The following MANSC4 variants were observed in gnomAD, a reference collection of about 807,000 sequenced individuals.
MANSC4 encodes the protein MANSC domain containing 4, also known as MANSC domain-containing protein 4.
MANSC4 carries 11 observed loss-of-function variants against 11.4 expected under a neutral mutation model. That is an observed-to-expected ratio of 0.97 (90% CI 0.61 to 1.60). The LOEUF (loss-of-function observed/expected upper bound fraction) is 1.60. Ranked by LOEUF, MANSC4 falls within the 40% of genes most tolerant of loss-of-function variation. The probability of loss-of-function intolerance (pLI) is 0.00; values close to 1 mark genes in which losing one functional copy is unlikely to be tolerated. For missense variants in MANSC4, 354 were observed against 404.6 expected (o/e 0.88, Z 1.07); for synonymous variants, 123 against 147.1 (o/e 0.84, Z 1.19).
intron 2 of MANSC4, among the ~76,000 whole-genome samples, chr12:27,767,353 C>T (rs2140798718): frequency 6.6e-6 from 1 of 152,264 alleles, no homozygotes; most frequent in East Asian, 1.9e-4. Flanking sequence ...TATTTGGAAT[C>T]ATTCATTATT....
intron 1 of MANSC4, among the ~76,000 whole-genome samples, chr12:27,777,070 T>A (rs1406581390): frequency 1.3e-5 from 2 of 152,108 alleles, no homozygotes; most frequent in African/African-American, 4.8e-5. Flanking sequence ...AATGTTATTA[T>A]CATATTGGGA....
At chr12:27,766,497 T>C (rs945262371) in intron 3 of MANSC4, among the ~76,000 whole-genome samples, 168 bp downstream of exon 3, 2 of 152,216 alleles carry the variant, frequency 1.3e-5, no homozygotes, top group Non-Finnish European at 2.9e-5. Flanking sequence ...CTAAAGAGAA[T>C]TTTCTTTCAG....
intron 1 of MANSC4, among the ~76,000 whole-genome samples, chr12:27,779,265 A>G (rs1401897360): frequency 1.3e-5 from 2 of 152,222 alleles, no homozygotes; most frequent in African/African-American, 2.4e-5. Flanking sequence ...GCAGACATTT[A>G]TGAGCCAATT....
intron 3 of MANSC4, among the ~76,000 whole-genome samples, chr12:27,766,264 C>G (rs1223067836): frequency 1.3e-5 from 2 of 152,150 alleles, no homozygotes; most frequent in East Asian, 3.8e-4. Context: ...GACAGGGTTT[C>G]ACCATGTTGG....
chr12:27,779,444 C>T (rs2062134050), intron 1 of MANSC4, among the ~76,000 whole-genome samples: 1 of 152,122 alleles, frequency 6.6e-6, no homozygotes, highest in Admixed American at 6.5e-5. Flanking sequence ...AATAAGGGGC[C>T]CCAGTGGCAA....
chr12:27,773,248 G>A (rs998589787), intron 1 of MANSC4, among the ~76,000 whole-genome samples: 2 of 152,098 alleles, frequency 1.3e-5, no homozygotes, highest in African/African-American at 4.8e-5. Flanking sequence ...AACAAAAAAG[G>A]GATCTACAAG....
rs1479655214 is a variant in MANSC4 at position 27,771,594 on chromosome 12, T to C, written c.-306-12A>G. Among the ~76,000 whole-genome samples the C allele has an allele frequency of 6.6e-6, 1 of 152,216 alleles. No homozygotes were observed. The highest frequency in any genetic ancestry group is 1.5e-5 in the Non-Finnish European group (1 of 68,044). ...CTTTTCTTCTTTCTCTGAAAGTGAA[T>C]AGTCACAGACACCTTTTGCTAAGTA... is the stretch of plus-strand genomic sequence containing the variant. On this transcript the variant is annotated splice_polypyrimidine_tract_variant and intron_variant, in intron 1 of 3. Coordinates refer to ENST00000381273, the MANE Select transcript of MANSC4 (RefSeq NM_001146221.5).
At chr12:27,772,522 G>A (rs2062105073) in intron 1 of MANSC4, among the ~76,000 whole-genome samples, 1 of 152,130 alleles carries the variant, frequency 6.6e-6, no homozygotes, top group South Asian at 2.1e-4. Context: ...AATTGATAAT[G>A]AAAAGGAAAG....
At chr12:27,772,644 ATAAATAT>A (rs1192237224) in intron 1 of MANSC4, among the ~76,000 whole-genome samples, 3 of 152,250 alleles carry the variant, frequency 2.0e-5, no homozygotes, top group African/African-American at 7.2e-5. Context: ...ACACAAAATG[ATAAATAT>A]TTCATTCTAT....
intron 2 of MANSC4, among the ~76,000 whole-genome samples, chr12:27,767,099 T>C (rs2062075506): frequency 6.6e-6 from 1 of 151,978 alleles, no homozygotes; most frequent in Non-Finnish European, 1.5e-5. Flanking sequence ...TCCACCTCAG[T>C]CTCCCAAATA....
At chr12:27,767,106 A>G (rs144307446) in intron 2 of MANSC4, among the ~76,000 whole-genome samples, 269 of 152,124 alleles carry the variant, frequency 1.8e-3, no homozygotes, top group African/African-American at 6.3e-3. Context: ...CAGTCTCCCA[A>G]ATAGCTGGGA....
chr12:27,768,060 T>C (rs2062081016), intron 2 of MANSC4, among the ~76,000 whole-genome samples: 1 of 152,156 alleles, frequency 6.6e-6, no homozygotes, highest in Admixed American at 6.5e-5. Flanking sequence ...GGACACACTA[T>C]TGGCTCATGC....
At chr12:27,769,806 A>C (rs538108618) in intron 2 of MANSC4, among the ~76,000 whole-genome samples, 1 of 152,376 alleles carries the variant, frequency 6.6e-6, no homozygotes, top group African/African-American at 2.4e-5. Flanking sequence ...GAAAGTGTAG[A>C]ACAACCAAGG....
At chr12:27,777,798 A>G (rs957854845) in intron 1 of MANSC4, among the ~76,000 whole-genome samples, 4 of 152,086 alleles carry the variant, frequency 2.6e-5, no homozygotes, top group African/African-American at 4.8e-5. Flanking sequence ...TATAAAGAAA[A>G]TAGGCCAGGC....
At position 27,766,801 on chromosome 12, in the gene MANSC4, TGAAA is replaced by T; in HGVS notation, c.230-6_230-3del. ...AGAAGACAGCCAGGTTACAGGAAAC[TGAAA>T]GGGAAACAAGCGAAGTACATCTGCA... is the stretch of plus-strand genomic sequence containing the variant. On this transcript the variant is annotated splice_polypyrimidine_tract_variant and splice_region_variant and intron_variant, in intron 2 of 3. Transcript: ENST00000381273. 6.5e-7 allele frequency: 1 copy of T among 1,550,318 alleles called. No individual in the cohort carries two copies. The highest frequency in any genetic ancestry group is 2.4e-5 in the East Asian group (1 of 40,908).
Position 27,771,384 on chromosome 12 carries a change from G to T in MANSC4, c.-108C>A. 1.1e-6 allele frequency: 1 copy of T among 935,706 alleles called. No homozygotes were observed. The highest frequency in any genetic ancestry group is 1.6e-6 in the Non-Finnish European group (1 of 633,274). 58.0% of individuals were successfully genotyped at this position (935,706 alleles called of 1,614,324 possible). On this transcript the variant is annotated 5_prime_UTR_variant, in exon 2 of 4. Coordinates refer to ENST00000381273, the MANE Select transcript of MANSC4 (RefSeq NM_001146221.5). The stretch of plus-strand genomic sequence containing the variant: ...ACGTCAGAGGTGTTGTTAAGGGAGA[G>T]CTTCCTTGCAGCTTTTCTGGAGAGT...
intron 3 of MANSC4, among the ~76,000 whole-genome samples, chr12:27,765,511 C>G (rs12814230): frequency 0.13 from 19,402 of 152,188 alleles, 1,430 homozygotes; most frequent in East Asian, 0.19. Context: ...TTTGCTTACT[C>G]TCCTGTGGCA....
chr12:27,778,836 A>G (rs2062130119), intron 1 of MANSC4, among the ~76,000 whole-genome samples: 1 of 152,120 alleles, frequency 6.6e-6, no homozygotes, highest in Admixed American at 6.5e-5. Context: ...TGGGCCTTCT[A>G]ATTGCAATGT....
rs2062052131 is a variant in MANSC4 at position 27,762,663 on chromosome 12, T to C, written c.*75A>G. ...ACCACGCCCAGCCTATTTTTTTTTTTTAACCAAACTGCGTTTTCTTACACA... is the reference window on the plus strand; with the variant it reads ...ACCACGCCCAGCCTATTTTTTTTTTCTAACCAAACTGCGTTTTCTTACACA... On this transcript the variant is annotated 3_prime_UTR_variant, in exon 4 of 4. Coordinates refer to ENST00000381273, the MANE Select transcript of MANSC4 (RefSeq NM_001146221.5). The C allele has an allele frequency of 7.3e-7, 1 of 1,366,990 alleles. No individual in the cohort carries two copies. Among genetic ancestry groups the C allele is most frequent in the African/African-American group, 1.5e-5 (1 of 68,094 alleles). The allele number at this position is 1,366,990 out of a possible 1,614,324, so 84.7% of individuals were successfully genotyped here.
Sources: allele counts gnomAD v4.1 joint callset (sites outside exome capture counted in the v4.1 genomes callset), GRCh38; gene constraint gnomAD v4.1.1; transcripts MANE v1.5; gene names NCBI Gene and HGNC (gene_info 2026-07-23, HGNC 2026-07-21).